Variants in NR3C2 observed in about 807,000 individuals in gnomAD.
NR3C2 encodes nuclear receptor subfamily 3 group C member 2, also known as mineralocorticoid receptor.
In NR3C2, 15 loss-of-function variants were observed where a neutral mutation model predicts 86.4. The observed-to-expected ratio is 0.17, with a 90% confidence interval of 0.12 to 0.27. The LOEUF is 0.27. NR3C2 is among the 10% of genes least tolerant of loss of function. The pLI is 1.00. For synonymous variants in NR3C2, 458 were observed against 450.5 expected, an observed-to-expected ratio of 1.02 and a Z score of -0.21; for missense variants, 960 against 1,195.6, an observed-to-expected ratio of 0.80 and a Z score of 2.91.
intron 2 of NR3C2, among the ~76,000 whole-genome samples, chr4:148,337,947 C>T (rs1338419171): frequency 1.3e-5 from 2 of 152,156 alleles, no homozygotes; most frequent in Admixed American, 6.5e-5. Flanking sequence ...AAAACCTGCA[C>T]TTTGTATCTT....
intron 3 of NR3C2, among the ~76,000 whole-genome samples, chr4:148,209,680 G>C (rs547376171): frequency 2.4e-4 from 36 of 152,282 alleles, no homozygotes; most frequent in African/African-American, 8.4e-4. Context: ...TGATTTTAGA[G>C]TCCTATATAA....
chr4:148,149,288 C>T (rs1734002959), intron 6 of NR3C2, among the ~76,000 whole-genome samples: 1 of 152,036 alleles, frequency 6.6e-6, no homozygotes, highest in Admixed American at 6.6e-5. Context: ...TTGTTGTTTC[C>T]ATTTTATCTG....
chr4:148,179,164 A>G (rs2149790220), intron 4 of NR3C2, among the ~76,000 whole-genome samples: 1 of 151,812 alleles, frequency 6.6e-6, no homozygotes, highest in African/African-American at 2.4e-5. Context: ...TGTGTATTAC[A>G]GAAAATATCA....
intron 4 of NR3C2, among the ~76,000 whole-genome samples, chr4:148,192,960 G>A (rs931810293): frequency 2.6e-5 from 4 of 152,194 alleles, no homozygotes; most frequent in Middle Eastern, 3.2e-3. Flanking sequence ...AAGTCTGCAG[G>A]CCTGATTTGG....
At chr4:148,414,339 CT>C (rs1748891421) in intron 2 of NR3C2, among the ~76,000 whole-genome samples, 2 of 152,110 alleles carry the variant, frequency 1.3e-5, no homozygotes, top group African/African-American at 4.8e-5. Flanking sequence ...CTGATTTGAA[CT>C]TTGTAATATT....
intron 6 of NR3C2, among the ~76,000 whole-genome samples, chr4:148,126,545 C>T (rs914290287): frequency 5.3e-5 from 8 of 152,082 alleles, no homozygotes; most frequent in South Asian, 2.1e-4. Context: ...AACATGAGAA[C>T]GGAACACCTC....
intron 3 of NR3C2, among the ~76,000 whole-genome samples, chr4:148,215,183 T>C (rs886207595): frequency 2.6e-5 from 4 of 152,214 alleles, no homozygotes; most frequent in Non-Finnish European, 4.4e-5. Context: ...AAACAAGGCA[T>C]CCAGAATACA....
At chr4:148,237,131 T>C (rs1738785327) in intron 3 of NR3C2, among the ~76,000 whole-genome samples, 1 of 152,202 alleles carries the variant, frequency 6.6e-6, no homozygotes, top group Non-Finnish European at 1.5e-5. Context: ...CAGATTACAA[T>C]TCATCAAATG....
chr4:148,173,426 G>A (rs538948383), intron 4 of NR3C2, among the ~76,000 whole-genome samples: 1 of 152,172 alleles, frequency 6.6e-6, no homozygotes, highest in Non-Finnish European at 1.5e-5. Flanking sequence ...ATGTGATGAT[G>A]GAAGCAGGGG....
intron 2 of NR3C2, among the ~76,000 whole-genome samples, chr4:148,323,675 G>C (rs1404824146): frequency 6.6e-6 from 1 of 152,066 alleles, no homozygotes. Context: ...TCTTTGACTC[G>C]GAAAGGGAAC....
intron 2 of NR3C2, among the ~76,000 whole-genome samples, chr4:148,358,323 G>A (rs1464166407): frequency 1.3e-5 from 2 of 152,018 alleles, no homozygotes; most frequent in Admixed American, 6.5e-5. Flanking sequence ...CCTTTGTAGG[G>A]ACATGGATGA....
intron 2 of NR3C2, among the ~76,000 whole-genome samples, chr4:148,319,785 A>G (rs202236807): frequency 0.15 from 22,219 of 145,100 alleles, 2,110 homozygotes; most frequent in African/African-American, 0.21. Flanking sequence ...GGGTTGAGAC[A>G]ATGGGTTTTT....
At chr4:148,314,141 T>C (rs991177437) in intron 2 of NR3C2, among the ~76,000 whole-genome samples, 3 of 151,968 alleles carry the variant, frequency 2.0e-5, no homozygotes, top group African/African-American at 7.2e-5. Flanking sequence ...AGGACTATAT[T>C]GGGGGGAAAG....
chr4:148,363,274 T>C (rs1293070925), intron 2 of NR3C2, among the ~76,000 whole-genome samples: 1 of 152,184 alleles, frequency 6.6e-6, no homozygotes, highest in Non-Finnish European at 1.5e-5. Context: ...GCTGTTGGCG[T>C]TGTCTGAAAA....
At chr4:148,360,687 T>C (rs1358661501) in intron 2 of NR3C2, among the ~76,000 whole-genome samples, 1 of 152,240 alleles carries the variant, frequency 6.6e-6, no homozygotes, top group Non-Finnish European at 1.5e-5. Flanking sequence ...ATTTTGATTC[T>C]GACTGAAATT....
At chr4:148,384,202 T>C (rs1747149767) in intron 2 of NR3C2, among the ~76,000 whole-genome samples, 1 of 152,038 alleles carries the variant, frequency 6.6e-6, no homozygotes, top group Admixed American at 6.6e-5. Flanking sequence ...ATTTTTAAAT[T>C]ATAAATATTT....
intron 2 of NR3C2, among the ~76,000 whole-genome samples, chr4:148,267,927 T>C (rs1740479225): frequency 6.7e-6 from 1 of 149,936 alleles, no homozygotes. Flanking sequence ...GGCTTATATT[T>C]TGAGTCACAG....
At chr4:148,196,067 A>G (rs1405346101) in intron 3 of NR3C2, among the ~76,000 whole-genome samples, 1 of 152,160 alleles carries the variant, frequency 6.6e-6, no homozygotes, top group African/African-American at 2.4e-5. Flanking sequence ...GGAGGCAATT[A>G]TTGTAACCTA....
chr4:148,217,443 A>G (rs1324064400), intron 3 of NR3C2, among the ~76,000 whole-genome samples: 4 of 152,186 alleles, frequency 2.6e-5, no homozygotes, highest in African/African-American at 7.2e-5. Context: ...GGCCAGTCAT[A>G]CCTTCCTGAA....
Sources: gnomAD v4.1 joint callset for allele counts (sites outside exome capture counted in the v4.1 genomes callset) on GRCh38, gnomAD v4.1.1 for gene constraint, MANE v1.5 for transcripts, NCBI Gene and HGNC (gene_info 2026-07-23, HGNC 2026-07-21) for gene names.